The following NUP153 variants were observed in gnomAD, a reference collection of about 807,000 sequenced individuals.
NUP153 encodes nuclear pore complex protein Nup153.
Under a neutral mutation model 134.6 loss-of-function variants are expected in NUP153, and 27 were observed. That is an observed-to-expected ratio of 0.20 (90% CI 0.15 to 0.28). The LOEUF is 0.28. Among genes scored for constraint, NUP153 ranks in the 10% least tolerant of loss-of-function variants. NUP153 has a pLI of 1.00. For missense variants in NUP153, 1,821 were observed against 1,731.3 expected, an observed-to-expected ratio of 1.05 and a Z score of -0.92; for synonymous variants, 640 against 623.5, an observed-to-expected ratio of 1.03 and a Z score of -0.40.
At chr6:17,617,704 G>C (rs1764406885) in intron 20 of NUP153, among the ~76,000 whole-genome samples, 1 of 152,020 alleles carries the variant, frequency 6.6e-6, no homozygotes, top group African/African-American at 2.4e-5. Context: ...AATTAGCCAG[G>C]CGTAGTGGCG....
At chr6:17,667,798 G>C (rs1767630357) in intron 8 of NUP153, among the ~76,000 whole-genome samples, 1 of 152,110 alleles carries the variant, frequency 6.6e-6, no homozygotes, top group Admixed American at 6.6e-5. Context: ...ACTAACAAAA[G>C]ATACCTCTTT....
At position 17,680,212 on chromosome 6, in the gene NUP153, A is replaced by G. The variant is rs1768497027; in HGVS notation, c.335-4442T>C. 6.6e-6 allele frequency among the ~76,000 whole-genome samples: 1 copy of G among 152,172 alleles called. No homozygotes were observed. Among genetic ancestry groups the G allele is most frequent in the African/African-American group, 2.4e-5 (1 of 41,458 alleles). On this transcript the variant is annotated intron_variant, in intron 2 of 21. Transcript: ENST00000262077. This position sits in a 1 kb window ranked among gnomAD's most constrained non-coding sequence, Gnocchi z 4.5. ...TTGGGTCCGTGTTAATTTCCATTAC[A>G]TGGGAAACCAAAGAGCCTGTGGTCT...
At chr6:17,671,734 T>C (rs1050459055) in intron 5 of NUP153, among the ~76,000 whole-genome samples, 8 of 152,334 alleles carry the variant, frequency 5.3e-5, no homozygotes, top group African/African-American at 1.9e-4. Flanking sequence ...TGGCTGGGCA[T>C]GCTGGCTCAT....
intron 1 of NUP153, among the ~76,000 whole-genome samples, chr6:17,701,323 T>A (rs1770055697): frequency 6.6e-6 from 1 of 151,200 alleles, no homozygotes; most frequent in Admixed American, 6.6e-5. Flanking sequence ...CAGTGAGGAG[T>A]TCGAGACCAG....
intron 20 of NUP153, among the ~76,000 whole-genome samples, chr6:17,618,649 T>C (rs1343860328): frequency 1.3e-5 from 2 of 149,246 alleles, no homozygotes; most frequent in Non-Finnish European, 3.0e-5. Context: ...CACTGCAAGC[T>C]CCACCTCCCG....
At chr6:17,640,823 T>C (rs1172146743) in intron 14 of NUP153, among the ~76,000 whole-genome samples, 1 of 152,090 alleles carries the variant, frequency 6.6e-6, no homozygotes, top group East Asian at 1.9e-4. Flanking sequence ...GGTCTCACTA[T>C]GGCTGGCCAG....
chr6:17,669,415 A>AT lies in NUP153; in HGVS notation c.969+14dup. The AT allele has an allele frequency of 6.2e-7, 1 of 1,606,752 alleles. No individual in the cohort carries two copies. Among genetic ancestry groups the AT allele is most frequent in the Middle Eastern group, 1.7e-4 (1 of 6,052 alleles). ...TTGTTACACTCCTGTATTAATCGTG[A>AT]TTTTAAAAATTTACCGCTAAAGGGC... On this transcript the variant is annotated intron_variant, in intron 6 of 21. Coordinates refer to ENST00000262077, the MANE Select transcript of NUP153 (RefSeq NM_005124.4).
intron 11 of NUP153, among the ~76,000 whole-genome samples, chr6:17,657,475 A>T (rs1471924864): frequency 6.6e-6 from 1 of 152,008 alleles, no homozygotes; most frequent in Admixed American, 6.6e-5. Flanking sequence ...GAGACATGAG[A>T]ATCACTTGAA....
At chr6:17,678,093 C>A (rs762612484) in intron 2 of NUP153, among the ~76,000 whole-genome samples, 1 of 152,048 alleles carries the variant, frequency 6.6e-6, no homozygotes, top group African/African-American at 2.4e-5. Context: ...CAGTGGTTCA[C>A]ACCTGTAATC....
chr6:17,688,998 C>T (rs1769117735), intron 1 of NUP153, among the ~76,000 whole-genome samples: 1 of 151,842 alleles, frequency 6.6e-6, no homozygotes, highest in African/African-American at 2.4e-5. Context: ...CTTTCAATAG[C>T]TTTCTCAAGC....
chr6:17,644,484 T>C (rs891775241), intron 14 of NUP153, among the ~76,000 whole-genome samples: 1 of 152,256 alleles, frequency 6.6e-6, no homozygotes, highest in Admixed American at 6.5e-5. Flanking sequence ...GACAAATTGT[T>C]TGCAATTCTA....
chr6:17,658,717 T>C (rs774298937), intron 11 of NUP153, among the ~76,000 whole-genome samples: 4 of 152,166 alleles, frequency 2.6e-5, no homozygotes, highest in African/African-American at 7.2e-5. Context: ...ATTTAAAAAA[T>C]TGTTTTGAAG....
At chr6:17,656,866 G>C (rs1766852379) in intron 11 of NUP153, among the ~76,000 whole-genome samples, 3 of 152,146 alleles carry the variant, frequency 2.0e-5, no homozygotes, top group Admixed American at 2.0e-4. Flanking sequence ...GGAGTAGCTG[G>C]AATGAAATGT....
At chr6:17,690,363 G>A (rs965819468) in intron 1 of NUP153, among the ~76,000 whole-genome samples, 5 of 150,198 alleles carry the variant, frequency 3.3e-5, no homozygotes, top group African/African-American at 1.2e-4. Flanking sequence ...CTGGGCGACA[G>A]AGCGAGACTC....
rs139465537 is a variant in NUP153, at chr6:17,626,020, T to G, written c.3689A>C (p.Gln1230Pro). ...NPPVATFVFG[Q>P]SSNPVSSSAF... ...AGAGCTGCTCACAGGATTGCTGGAC[T>G]GTCCAAACACAAAGGTAGCCACAGG... is the stretch of plus-strand genomic sequence containing the variant. The change falls in exon 19 of 22, where the codon CAG becomes CCG. Residue 1230 changes from glutamine (Q) to proline (P), a missense_variant. By Grantham distance (76) the Gln-to-Pro change is moderately conservative. Transcript: ENST00000262077. 2.5e-5 allele frequency: 40 copies of G among 1,614,088 alleles called. No homozygotes were observed. Among genetic ancestry groups the G allele is most frequent in the Non-Finnish European group, 3.4e-5 (40 of 1,180,034 alleles).
chr6:17,624,432 C>T (rs959889026), intron 20 of NUP153, 129 bp downstream of exon 20: 48 of 831,694 alleles, frequency 5.8e-5, no homozygotes, highest in Non-Finnish European at 8.0e-5. Flanking sequence ...AACCATATTA[C>T]CTCTCTATTC....
At chr6:17,633,674 G>A (rs1357332515) in intron 16 of NUP153, among the ~76,000 whole-genome samples, 1 of 152,198 alleles carries the variant, frequency 6.6e-6, no homozygotes, top group Admixed American at 6.5e-5. Flanking sequence ...ATGTTTGTGG[G>A]AGAGGTGGCA....
chr6:17,700,224 C>G (rs1769962483), intron 1 of NUP153, among the ~76,000 whole-genome samples: 1 of 151,638 alleles, frequency 6.6e-6, no homozygotes, highest in African/African-American at 2.4e-5. Flanking sequence ...TATTTAATTT[C>G]AAATTTCAAT....
At chr6:17,705,585 T>TGGG (rs200771105) in intron 1 of NUP153, among the ~76,000 whole-genome samples, 7 of 39,862 alleles carry the variant, frequency 1.8e-4, no homozygotes, top group Admixed American at 2.9e-4. Flanking sequence ...GTGGCGGTGT[T>TGGG]GGGGGGGGGG....
Sources: allele counts gnomAD v4.1 joint callset (sites outside exome capture counted in the v4.1 genomes callset), GRCh38; gene constraint gnomAD v4.1.1; non-coding constraint Gnocchi (gnomAD v3.1); transcripts MANE v1.5; gene names NCBI Gene and HGNC (gene_info 2026-07-23, HGNC 2026-07-21).